The following FBXO11 variants were observed in gnomAD, a reference collection of about 807,000 sequenced individuals.
FBXO11 encodes the protein F-box protein 11.
In FBXO11, 13 loss-of-function variants were observed where a neutral mutation model predicts 117.0. The ratio of observed to expected loss-of-function variants is 0.11; its 90% CI spans 0.07 to 0.18. The LOEUF is 0.18. Among genes scored for constraint, FBXO11 ranks in the 10% least tolerant of loss-of-function variants. FBXO11 has a pLI of 1.00. For synonymous variants in FBXO11, 490 were observed against 380.5 expected (o/e 1.29, Z -3.35); for missense variants, 767 against 1,164.4 (o/e 0.66, Z 4.97).
At chr2:47,885,634 A>C (rs1381065105) in intron 1 of FBXO11, among the ~76,000 whole-genome samples, 1 of 152,228 alleles carries the variant, frequency 6.6e-6, no homozygotes, top group African/African-American at 2.4e-5. Context: ...GAATTTTGTA[A>C]AAGAAAAACA....
At chr2:47,869,622 T>A (rs928175571) in intron 1 of FBXO11, among the ~76,000 whole-genome samples, 1 of 152,218 alleles carries the variant, frequency 6.6e-6, no homozygotes, top group African/African-American at 2.4e-5. Flanking sequence ...CCAGCTGAAG[T>A]ACTTGCTGAA....
chr2:47,890,977 C>T (rs1021426800), intron 1 of FBXO11, among the ~76,000 whole-genome samples: 2 of 149,288 alleles, frequency 1.3e-5, no homozygotes, highest in Non-Finnish European at 3.0e-5. Flanking sequence ...GCCACCATAC[C>T]GGGATTTTTT....
chr2:47,895,615 GGAT>G (rs1677598808), intron 1 of FBXO11, among the ~76,000 whole-genome samples: 1 of 152,160 alleles, frequency 6.6e-6, no homozygotes. Flanking sequence ...AGCTGTACAC[GGAT>G]GATTTGTGCA....
At chr2:47,860,030 T>A (rs1674628988) in intron 1 of FBXO11, among the ~76,000 whole-genome samples, 1 of 152,178 alleles carries the variant, frequency 6.6e-6, no homozygotes, top group Non-Finnish European at 1.5e-5. Flanking sequence ...TCTTCTCTGA[T>A]AAACCGATAA....
At chr2:47,862,844 CAGG>C (rs1275807510) in intron 1 of FBXO11, among the ~76,000 whole-genome samples, 3 of 152,094 alleles carry the variant, frequency 2.0e-5, no homozygotes, top group African/African-American at 7.2e-5. Flanking sequence ...CACCTGAGGT[CAGG>C]AGTTTGAGAC....
At chr2:47,843,558 C>T (rs2104895328) in intron 1 of FBXO11, among the ~76,000 whole-genome samples, 1 of 152,028 alleles carries the variant, frequency 6.6e-6, no homozygotes, top group South Asian at 2.1e-4. Flanking sequence ...TAATTAATGG[C>T]TTTCTTCATC....
intron 1 of FBXO11, among the ~76,000 whole-genome samples, chr2:47,843,014 T>C (rs1444298515): frequency 1.3e-5 from 2 of 152,132 alleles, no homozygotes; most frequent in Non-Finnish European, 2.9e-5. Flanking sequence ...TCAAAACTGC[T>C]GAGCTCAAGT....
At chr2:47,836,686 A>G (rs1018734256) in intron 4 of FBXO11, among the ~76,000 whole-genome samples, 3 of 152,354 alleles carry the variant, frequency 2.0e-5, no homozygotes, top group East Asian at 1.9e-4. Context: ...CAGAACAACA[A>G]AAAGTTTCAA....
chr2:47,815,432 C>G (rs1469385663), intron 16 of FBXO11, among the ~76,000 whole-genome samples: 1 of 152,116 alleles, frequency 6.6e-6, no homozygotes, highest in Non-Finnish European at 1.5e-5. Context: ...AAAAGGAATT[C>G]TGGTTTCTGG....
intron 1 of FBXO11, among the ~76,000 whole-genome samples, chr2:47,885,207 C>T (rs762463405): frequency 3.9e-5 from 6 of 152,082 alleles, no homozygotes; most frequent in Non-Finnish European, 7.3e-5. Flanking sequence ...AGGAAGTGAT[C>T]GAATACTGAA....
At chr2:47,838,832 G>A (rs1572819692) in intron 4 of FBXO11, 27 bp downstream of exon 4, 1 of 1,594,878 alleles carries the variant, frequency 6.3e-7, no homozygotes. Context: ...CATATCTCAA[G>A]TTAATAAGGA....
intron 1 of FBXO11, among the ~76,000 whole-genome samples, chr2:47,895,480 G>A (rs1286022424): frequency 6.6e-6 from 1 of 152,124 alleles, no homozygotes; most frequent in Non-Finnish European, 1.5e-5. Context: ...TCAGAAAGAT[G>A]GGGTTGGGAA....
At chr2:47,874,958 C>A (rs958456947) in intron 1 of FBXO11, among the ~76,000 whole-genome samples, 1 of 148,194 alleles carries the variant, frequency 6.7e-6, no homozygotes, top group African/African-American at 2.5e-5. Flanking sequence ...GATAAAAATA[C>A]CATATTTTCT....
At chr2:47,825,667 C>G (rs1671699415) in intron 11 of FBXO11, among the ~76,000 whole-genome samples, 1 of 149,292 alleles carries the variant, frequency 6.7e-6, no homozygotes, top group Non-Finnish European at 1.5e-5. Flanking sequence ...GCCTCAATCT[C>G]CTGGGCTCAA....
chr2:47,852,082 C>T (rs1332054343), intron 1 of FBXO11, among the ~76,000 whole-genome samples: 1 of 151,808 alleles, frequency 6.6e-6, no homozygotes, highest in Non-Finnish European at 1.5e-5. Context: ...ACCTCCACAC[C>T]TGCTTCAAGC....
chr2:47,838,415 C>A (rs1265184920), intron 4 of FBXO11, among the ~76,000 whole-genome samples: 1 of 146,992 alleles, frequency 6.8e-6, no homozygotes, highest in Non-Finnish European at 1.5e-5. Flanking sequence ...GCAAAAAAAA[C>A]TTTTCAGAAG....
rs1163425516 is a variant in FBXO11 at position 47,901,174 on chromosome 2, T to C, written c.232+4315A>G. ...GTGTACATATATACATATATATGTA[T>C]ATATATGTGGGTACATATATATGTG... On this transcript the variant is annotated intron_variant, in intron 1 of 22. Coordinates refer to ENST00000403359, the MANE Select transcript of FBXO11 (RefSeq NM_001190274.2). Among the ~76,000 whole-genome samples, 49 of 143,364 alleles carry C rather than the reference T, an allele frequency of 3.4e-4. 1 individual carries two copies. Among genetic ancestry groups the C allele is most frequent in the Non-Finnish European group, 6.8e-4 (44 of 64,652 alleles). 94.1% of individuals were successfully genotyped at this position (143,364 alleles called of 152,430 possible).
rs1678785219 is a variant in FBXO11 at position 47,905,970 on chromosome 2, C to T, written c.-250G>A. 1 of 408,742 alleles carries T rather than the reference C, an allele frequency of 2.4e-6. No individual in the cohort carries two copies. The highest frequency in any genetic ancestry group is 2.1e-5 in the African/African-American group (1 of 47,480). 25.3% of individuals were successfully genotyped at this position (408,742 alleles called of 1,614,324 possible). A position where few individuals can be genotyped will look rare whatever the true frequency, so the allele number is the denominator to read the frequency against. On this transcript the variant is annotated 5_prime_UTR_variant, in exon 1 of 23. Transcript: ENST00000403359. Reference sequence around the variant, plus strand: ...TGACGCACGGGGAAGGCCGAAGCCGCCGGGCGGGGCGGCCGCGAGGGACGA... The same window carrying T: ...TGACGCACGGGGAAGGCCGAAGCCGTCGGGCGGGGCGGCCGCGAGGGACGA...
chr2:47,819,166 A>T lies in FBXO11; in HGVS notation c.1798-88T>A, dbSNP rs545054833. ...TACCCCCTTTATAGACAGTTAAAAAATTTTCCATTTTTGTTTTTTCATCCG... is the reference window on the plus strand; with the variant it reads ...TACCCCCTTTATAGACAGTTAAAAATTTTTCCATTTTTGTTTTTTCATCCG... On this transcript the variant is annotated intron_variant, in intron 14 of 22. Coordinates refer to ENST00000403359, the MANE Select transcript of FBXO11 (RefSeq NM_001190274.2). 8.5e-5 allele frequency: 118 copies of T among 1,391,974 alleles called. 1 individual carries two copies. The South Asian group carries it at 1.1e-3, about 13-fold the overall frequency. 86.2% of individuals were successfully genotyped at this position (1,391,974 alleles called of 1,614,324 possible).
Sources: allele counts gnomAD v4.1 joint callset (sites outside exome capture counted in the v4.1 genomes callset), GRCh38; gene constraint gnomAD v4.1.1; transcripts MANE v1.5; gene names NCBI Gene and HGNC (gene_info 2026-07-23, HGNC 2026-07-21).